LRRC46: variants seen among roughly 807,000 people sequenced by gnomAD.
LRRC46 encodes the protein leucine-rich repeat-containing protein 46.
A neutral mutation model predicts 28.0 loss-of-function variants in LRRC46; 20 were observed. The ratio of observed to expected loss-of-function variants is 0.71; its 90% confidence interval spans 0.50 to 1.04. The LOEUF is 1.04. Ranked by LOEUF, LRRC46 falls within the 50% of genes least tolerant of loss-of-function variation. The pLI is 0.00. For synonymous variants in LRRC46, 156 were observed against 158.8 expected, an observed-to-expected ratio of 0.98 and a Z score of 0.13; for missense variants, 315 against 390.1, an observed-to-expected ratio of 0.81 and a Z score of 1.62.
intron 3 of LRRC46, 73 bp from the exon 4 acceptor site, chr17:47,835,280 G>T (rs1376364223): frequency 6.7e-7 from 1 of 1,482,732 alleles, no homozygotes; most frequent in South Asian, 1.1e-5. Flanking sequence ...TGGTCTTGGG[G>T]CTTTGTCCCC....
intron 2 of LRRC46, among the ~76,000 whole-genome samples, chr17:47,832,605 C>T (rs533160380): frequency 2.6e-4 from 39 of 152,320 alleles, no homozygotes; most frequent in African/African-American, 9.4e-4. Context: ...CACTTGAACC[C>T]AGGTACCTGT....
In LRRC46 at chr17:47,836,373, G is replaced by A. The variant is rs779708459; in HGVS notation, c.493G>A (p.Asp165Asn). 1.9e-6 allele frequency: 3 copies of A among 1,614,136 alleles called. No individual in the cohort carries two copies. In the Admixed American group the frequency reaches 5.0e-5, roughly 27 times the overall value. ...AGCCCTGCCACTTCTCCTGGACCTG[G>A]ACGGGCAGCCTGTGGTGGAGCGCTG... ...TEALPLLLDL[D>N]GQPVVERWIS... The change falls in exon 7 of 8, where the codon GAC becomes AAC. Residue 165 changes from aspartate (D) to asparagine (N), a missense_variant. Asp to Asn is a conservative substitution (Grantham distance 23). Coordinates refer to ENST00000269025, the MANE Select transcript of LRRC46 (RefSeq NM_033413.4). The surrounding 1 kb of genome is among the most constrained non-coding windows in gnomAD (Gnocchi z 5.8).
In LRRC46 at chr17:47,837,702, C is replaced by T; in HGVS notation, c.*582C>T. ...AAAGTTCACTGAAGAGAAAATAAAG[C>T]ACATTTATTAAGGCAAAGGCCAAGC... On this transcript the variant is annotated 3_prime_UTR_variant, in exon 8 of 8. Transcript: ENST00000269025. 2 of 1,018,204 alleles carry T rather than the reference C, an allele frequency of 2.0e-6. No individual in the cohort carries two copies. Among genetic ancestry groups the T allele is most frequent in the South Asian group, 1.9e-5 (1 of 52,940 alleles). The allele number at this position is 1,018,204 out of a possible 1,614,324, so 63.1% of individuals were successfully genotyped here.
At position 47,835,381 on chromosome 17, in the gene LRRC46, C is replaced by T; in HGVS notation, c.254C>T (p.Ala85Val). The T allele has an allele frequency of 6.2e-7, 1 of 1,614,148 alleles. No individual in the cohort carries two copies. The highest frequency in any genetic ancestry group is 8.5e-7 in the Non-Finnish European group (1 of 1,180,026). Residue 85 changes from alanine (A) to valine (V), a missense_variant, in exon 4 of 8, where the codon GCT becomes GTT. Coordinates refer to ENST00000269025, the MANE Select transcript of LRRC46 (RefSeq NM_033413.4). ...AAGATCCAGCAAATTGAGAACCTGG[C>T]TTGCATCCCCTCCTTGCGGTATGTG... ...GNKIQQIENLACIPSLRFLSL... is the reference protein window; with the variant it reads ...GNKIQQIENLVCIPSLRFLSL...
At chr17:47,834,313 C>T (rs1415395622) in intron 2 of LRRC46, 112 bp from the exon 3 acceptor site, 15 of 851,954 alleles carry the variant, frequency 1.8e-5, no homozygotes, top group Non-Finnish European at 2.6e-5. Context: ...ATTAAAATGA[C>T]TCAGCCAACT....
At chr17:47,835,107 T>A (rs550419870) in intron 3 of LRRC46, 1 of 513,030 alleles carries the variant, frequency 1.9e-6, no homozygotes, top group East Asian at 3.3e-5. Context: ...TCTTTGGTTG[T>A]GGAATCAGAA....
chr17:47,834,562 C>T (rs1198720433), intron 3 of LRRC46, 29 bp downstream of exon 3: 5 of 1,479,608 alleles, frequency 3.4e-6, no homozygotes, highest in South Asian at 1.1e-5. Flanking sequence ...CTTCCCCTCC[C>T]CTTGACCCCT....
Position 47,835,722 on chromosome 17 carries a change from C to A in LRRC46, c.329C>A (p.Pro110Gln). 1 of 1,614,230 alleles carries A rather than the reference C, an allele frequency of 6.2e-7. No homozygotes were observed. The highest frequency in any genetic ancestry group is 8.5e-7 in the Non-Finnish European group (1 of 1,180,040). Residue 110 changes from proline to glutamine, a missense_variant, in exon 5 of 8, where the codon CCA (proline) becomes CAA (glutamine). Transcript: ENST00000269025. ...IRQVENLLDL[P>Q]CLQFLDLSEN... Reference sequence around the variant, plus strand: ...CAGGTGGAAAACCTCCTCGACCTCCCATGCCTCCAGTTTCTGGACCTTTCT... The same window carrying A: ...CAGGTGGAAAACCTCCTCGACCTCCAATGCCTCCAGTTTCTGGACCTTTCT...
At position 47,837,472 on chromosome 17, in the gene LRRC46, C is replaced by T. The variant is rs1259000263; in HGVS notation, c.*352C>T. 2.5e-6 allele frequency: 1 copy of T among 402,268 alleles called. No homozygotes were observed. Among genetic ancestry groups the T allele is most frequent in the East Asian group, 5.7e-5 (1 of 17,516 alleles). The allele number at this position is 402,268 out of a possible 1,614,324, so 24.9% of individuals were successfully genotyped here. On this transcript the variant is annotated 3_prime_UTR_variant, in exon 8 of 8. Transcript: ENST00000269025. ...TCTCACTGCCACCCCTAGCGAGTGC[C>T]CTTCCCCGGTCCAAGCCAAGGACCA...
At chr17:47,835,596 G>A in intron 4 of LRRC46, 70 bp from the exon 5 acceptor site, 1 of 1,520,532 alleles carries the variant, frequency 6.6e-7, no homozygotes, top group Non-Finnish European at 9.1e-7. Context: ...CCGGTGTCAG[G>A]TGCCCTCCTC....
Position 47,836,678 on chromosome 17 carries a change from T to G in LRRC46, c.596-72T>G. 1 of 1,571,528 alleles carries G rather than the reference T, an allele frequency of 6.4e-7. No homozygotes were observed. The highest frequency in any genetic ancestry group is 8.6e-7 in the Non-Finnish European group (1 of 1,162,236). ...ACAAGGGGCCAGCCAGAGACTTCCC[T>G]GAGCCCAGGGACCCTCCTGCTGAGC... is the stretch of plus-strand genomic sequence containing the variant. On this transcript the variant is annotated intron_variant, in intron 7 of 7. Transcript: ENST00000269025. This position sits in a 1 kb window ranked among gnomAD's most constrained non-coding sequence, Gnocchi z 5.8.
In LRRC46 at chr17:47,837,604, C is replaced by A; in HGVS notation, c.*484C>A. On this transcript the variant is annotated 3_prime_UTR_variant, in exon 8 of 8. Coordinates refer to ENST00000269025, the MANE Select transcript of LRRC46 (RefSeq NM_033413.4). ...CCACTCATAGGAATGAGTACACAAC[C>A]ACAGGCCCCGCAGCCAGCCCACAGC... The A allele has an allele frequency of 1.8e-6, 1 of 545,394 alleles. No individual in the cohort carries two copies. Among genetic ancestry groups the A allele is most frequent in the Non-Finnish European group, 3.2e-6 (1 of 317,182 alleles). The allele number at this position is 545,394 out of a possible 1,614,324, so 33.8% of individuals were successfully genotyped here.
intron 3 of LRRC46, chr17:47,834,909 G>T: frequency 4.5e-6 from 1 of 223,556 alleles, no homozygotes; most frequent in South Asian, 8.1e-5. Flanking sequence ...GGTGGTGGTG[G>T]TGGTGGTTGG....
rs144987593 is a variant in LRRC46 at position 47,834,465 on chromosome 17, C to T, written c.157C>T (p.Arg53Trp). The T allele has an allele frequency of 4.0e-5, 65 of 1,613,560 alleles. No individual in the cohort carries two copies. The African/African-American group carries it at 7.7e-4, about 19-fold the overall frequency. Residue 53 changes from arginine (R) to tryptophan (W), a missense_variant, in exon 3 of 8, where the codon CGG (arginine) becomes TGG (tryptophan). Physicochemically the swap from Arg to Trp is moderately radical, Grantham distance 101. Transcript: ENST00000269025. ...TGAACTGCAGACTGTCCGCCTGGACCGGGAGGGGATTACTACTATCAGGAA... is the reference window on the plus strand; with the variant it reads ...TGAACTGCAGACTGTCCGCCTGGACTGGGAGGGGATTACTACTATCAGGAA... Reference protein sequence around the residue: ...LDELQTVRLDREGITTIRNLE... With the variant: ...LDELQTVRLDWEGITTIRNLE...
chr17:47,835,929 C>A, intron 5 of LRRC46, 104 bp from the exon 6 acceptor site: 2 of 1,396,954 alleles, frequency 1.4e-6, no homozygotes, highest in South Asian at 1.2e-5. Flanking sequence ...GAGGTACTGG[C>A]TTTGGACTAG....
chr17:47,837,226 CCT>C lies in LRRC46; in HGVS notation c.*107_*108del, dbSNP rs1233529700. 1 of 1,444,838 alleles carries C rather than the reference CCT, an allele frequency of 6.9e-7. No homozygotes were observed. Among genetic ancestry groups the C allele is most frequent in the East Asian group, 2.3e-5 (1 of 42,722 alleles). 89.5% of individuals were successfully genotyped at this position (1,444,838 alleles called of 1,614,324 possible). ...CATCCCCAGTAAAGTGTCTCTAGGCCCTGAGTATGCTTTTCATGTCACTTGGG... is the reference window on the plus strand; with the variant it reads ...CATCCCCAGTAAAGTGTCTCTAGGCCGAGTATGCTTTTCATGTCACTTGGG... On this transcript the variant is annotated 3_prime_UTR_variant, in exon 8 of 8. Transcript: ENST00000269025.
chr17:47,836,385 G>A lies in LRRC46; in HGVS notation c.505G>A (p.Val169Met), dbSNP rs1270746827. The A allele has an allele frequency of 6.2e-7, 1 of 1,614,058 alleles. No homozygotes were observed. The highest frequency in any genetic ancestry group is 2.2e-5 in the East Asian group (1 of 44,896). The change falls in exon 7 of 8, where the codon GTG (valine) becomes ATG (methionine). Residue 169 changes from valine to methionine, a missense_variant. Coordinates refer to ENST00000269025, the MANE Select transcript of LRRC46 (RefSeq NM_033413.4). This position sits in a 1 kb window ranked among gnomAD's most constrained non-coding sequence, Gnocchi z 5.8. ...TCTCCTGGACCTGGACGGGCAGCCT[G>A]TGGTGGAGCGCTGGATTTCGGATGA... The part of the protein sequence containing the change: ...PLLLDLDGQP[V>M]VERWISDEED...
intron 2 of LRRC46, among the ~76,000 whole-genome samples, chr17:47,833,172 TC>T (rs1305864843): frequency 2.6e-5 from 4 of 151,594 alleles, no homozygotes; most frequent in African/African-American, 9.7e-5. Flanking sequence ...TCTCCCCATA[TC>T]CCCCCACCTT....
At chr17:47,834,100 C>T in intron 2 of LRRC46, 1 of 1,035,452 alleles carries the variant, frequency 9.7e-7, no homozygotes, top group Non-Finnish European at 1.2e-6. Flanking sequence ...CCTGCCTCCA[C>T]CATCCAAGCT....
Sources: gnomAD v4.1 joint callset for allele counts (sites outside exome capture counted in the v4.1 genomes callset) on GRCh38, gnomAD v4.1.1 for gene constraint, Gnocchi (gnomAD v3.1) non-coding constraint, MANE v1.5 for transcripts, NCBI Gene and HGNC (gene_info 2026-07-23, HGNC 2026-07-21) for gene names.